ACCSL: variants seen among roughly 807,000 people sequenced by gnomAD.
The protein encoded by ACCSL is probable inactive 1-aminocyclopropane-1-carboxylate synthase-like protein 2.
ACCSL carries 55 observed loss-of-function variants against 61.7 expected under a neutral mutation model. The ratio of observed to expected loss-of-function variants is 0.89; its 90% CI spans 0.72 to 1.12. ACCSL has a LOEUF of 1.12. Ranked by LOEUF, ACCSL falls within the 50% of genes most tolerant of loss-of-function variation. The pLI is 0.00. For synonymous variants in ACCSL, 258 were observed against 264.3 expected (o/e 0.98, Z 0.23); for missense variants, 632 against 698.0 (o/e 0.91, Z 1.07).
chr11:44,058,681 C>T lies in ACCSL; in HGVS notation c.1606C>T (p.Leu536Phe). Residue 536 changes from leucine to phenylalanine, a missense_variant, in exon 13 of 14, where the codon CTC (leucine) becomes TTC (phenylalanine). Physicochemically the swap from Leu to Phe is conservative, Grantham distance 22. Coordinates refer to ENST00000378832, the MANE Select transcript of ACCSL (RefSeq NM_001031854.2). Reference sequence around the variant, plus strand: ...GTTCTGCCTCATCTTTGCAGATGAGCTCCCCCGGCTAAAATTGGGTGAGTG... The same window carrying T: ...GTTCTGCCTCATCTTTGCAGATGAGTTCCCCCGGCTAAAATTGGGTGAGTG... ...GWFCLIFADE[L>F]PRLKLAMRRF... 2 of 1,611,376 alleles carry T rather than the reference C, an allele frequency of 1.2e-6. No individual in the cohort carries two copies. Among genetic ancestry groups the T allele is most frequent in the South Asian group, 2.2e-5 (2 of 90,742 alleles).
At chr11:43,956,910 G>C in the ACCSL span, among the ~76,000 whole-genome samples, 5 of 152,154 alleles carry the variant, frequency 3.3e-5, 1 homozygote, top group Non-Finnish European at 7.3e-5. Context: ...TTTCTTAAAA[G>C]AGGGGTGGGG....
chr11:44,040,191 C>T, the ACCSL span, among the ~76,000 whole-genome samples: 1 of 152,198 alleles, frequency 6.6e-6, no homozygotes, highest in Non-Finnish European at 1.5e-5. Flanking sequence ...GGGGAAAAGT[C>T]AGTAGCTCAT....
chr11:43,943,438 C>T, the ACCSL span: 5 of 1,438,298 alleles, frequency 3.5e-6, no homozygotes, highest in South Asian at 6.1e-5. This position sits in a 1 kb window ranked among gnomAD's most constrained non-coding sequence, Gnocchi z 4.8. Context: ...GGTCGGTGCG[C>T]CCCTCGCCGC....
At chr11:43,929,417 C>G in the ACCSL span, among the ~76,000 whole-genome samples, 1 of 151,648 alleles carries the variant, frequency 6.6e-6, no homozygotes, top group Non-Finnish European at 1.5e-5. Context: ...ATTTATTTTA[C>G]TTTATTTTGA....
At chr11:43,973,442 CTATCT>C in the ACCSL span, among the ~76,000 whole-genome samples, 2 of 151,796 alleles carry the variant, frequency 1.3e-5, no homozygotes, top group African/African-American at 4.8e-5. Flanking sequence ...ATCTATCTAT[CTATCT>C]ATCTATCTAT....
the ACCSL span, among the ~76,000 whole-genome samples, chr11:43,977,218 T>G: frequency 6.6e-6 from 1 of 152,234 alleles, no homozygotes; most frequent in Non-Finnish European, 1.5e-5. Context: ...CTCTCCACTA[T>G]GTCCTAATCC....
the ACCSL span, among the ~76,000 whole-genome samples, chr11:44,001,889 G>A: frequency 2.6e-5 from 4 of 151,204 alleles, no homozygotes; most frequent in South Asian, 6.3e-4. Context: ...GAAGGGGCTG[G>A]AAGGCTCTGA....
chr11:44,040,478 G>C, the ACCSL span, among the ~76,000 whole-genome samples: 1 of 152,052 alleles, frequency 6.6e-6, no homozygotes, highest in African/African-American at 2.4e-5. Context: ...GGAATTCCTG[G>C]GGAAGATCAC....
intron 1 of ACCSL, among the ~76,000 whole-genome samples, 161 bp downstream of exon 1, chr11:44,048,701 A>G (rs1482556422): frequency 6.6e-6 from 1 of 152,098 alleles, no homozygotes; most frequent in Non-Finnish European, 1.5e-5. Flanking sequence ...ACAGAAATAA[A>G]GTGACATGCC....
At chr11:44,027,201 C>T in the ACCSL span, among the ~76,000 whole-genome samples, 1 of 152,174 alleles carries the variant, frequency 6.6e-6, no homozygotes, top group Non-Finnish European at 1.5e-5. Context: ...CTTTAATGCT[C>T]TGGCAGACAG....
At chr11:43,942,985 C>G in the ACCSL span, 1 of 1,504,114 alleles carries the variant, frequency 6.6e-7, no homozygotes, top group Non-Finnish European at 8.9e-7. Context: ...GCCTGGCCGA[C>G]GAGTTCCCGC....
chr11:43,983,114 A>C, the ACCSL span, among the ~76,000 whole-genome samples: 2 of 152,202 alleles, frequency 1.3e-5, no homozygotes, highest in African/African-American at 4.8e-5. Context: ...TGAGCATCAC[A>C]GAGCCCACCC....
At chr11:43,922,467 G>A in the ACCSL span, among the ~76,000 whole-genome samples, 2 of 152,206 alleles carry the variant, frequency 1.3e-5, no homozygotes, top group Admixed American at 6.5e-5. Flanking sequence ...TTTGTTCCCT[G>A]ACTTTCCTGT....
chr11:44,019,385 T>A, the ACCSL span, among the ~76,000 whole-genome samples: 2 of 152,224 alleles, frequency 1.3e-5, no homozygotes, highest in Admixed American at 1.3e-4. Context: ...CATTTTACAA[T>A]CCAACCAGCA....
the ACCSL span, chr11:43,945,397 C>G: frequency 6.6e-6 from 1 of 152,182 alleles, no homozygotes; most frequent in Non-Finnish European, 1.5e-5. Context: ...GACTCCACAT[C>G]CTGTGCCCCT....
chr11:43,976,126 C>G, the ACCSL span, among the ~76,000 whole-genome samples: 7 of 151,190 alleles, frequency 4.6e-5, no homozygotes, highest in African/African-American at 1.7e-4. Context: ...AAGAACTACA[C>G]CCTAGAAGCC....
chr11:44,058,190 A>G, intron 11 of ACCSL, 127 bp from the exon 12 acceptor site: 1 of 1,206,368 alleles, frequency 8.3e-7, no homozygotes, highest in Non-Finnish European at 1.1e-6. Context: ...TTTTTTAAAA[A>G]CAGACAAACA....
At chr11:43,934,518 G>A in the ACCSL span, among the ~76,000 whole-genome samples, 1 of 152,134 alleles carries the variant, frequency 6.6e-6, no homozygotes, top group African/African-American at 2.4e-5. Context: ...GCGGTGGCTG[G>A]GCCAAACACA....
chr11:44,050,489 G>C, intron 2 of ACCSL, 63 bp from the exon 3 acceptor site: 1 of 1,430,538 alleles, frequency 7.0e-7, no homozygotes, highest in Non-Finnish European at 9.8e-7. Context: ...TACAAACTAG[G>C]AGTAGAATGA....
Sources: gnomAD v4.1 joint callset for allele counts (sites outside exome capture counted in the v4.1 genomes callset) on GRCh38, gnomAD v4.1.1 for gene constraint, Gnocchi (gnomAD v3.1) non-coding constraint, MANE v1.5 for transcripts, NCBI Gene and HGNC (gene_info 2026-07-23, HGNC 2026-07-21) for gene names.